The following SETD2 variants were observed in gnomAD, a reference collection of about 807,000 sequenced individuals.
The protein encoded by SETD2 is SET domain containing 2, histone lysine methyltransferase.
A neutral mutation model predicts 242.1 loss-of-function variants in SETD2; 31 were observed. The ratio of observed to expected loss-of-function variants is 0.13; its 90% CI spans 0.10 to 0.17. The LOEUF is 0.17. Among genes scored for constraint, SETD2 ranks in the 10% least tolerant of loss-of-function variants. The pLI, the probability that SETD2 is intolerant of heterozygous loss-of-function variation, is 1.00. For missense variants in SETD2, 2,481 were observed against 3,046.3 expected, an observed-to-expected ratio of 0.81 and a Z score of 4.37; for synonymous variants, 1,006 against 1,066.5, an observed-to-expected ratio of 0.94 and a Z score of 1.11.
At position 47,120,268 on chromosome 3, in the gene SETD2, G is replaced by A. The variant is rs761403196; in HGVS notation, c.4368C>T (p.Asp1456=). ...TGGCACATTCCTTCCATCGCTGTGG[G>A]TCCCTGAAGTCATCCATGACACAGG... ...GPSCVMDDFR[D]PQRWKECAKQ... is the part of the protein sequence containing the mutation. Residue 1456 remains aspartate (D), a synonymous_variant, in exon 3 of 21, where the codon GAC becomes GAT. Coordinates refer to ENST00000409792, the MANE Select transcript of SETD2 (RefSeq NM_014159.7). 14 of 1,611,638 alleles carry A rather than the reference G, an allele frequency of 8.7e-6. No homozygotes were observed. The East Asian group carries it at 2.9e-4, about 33-fold the overall frequency.
intron 1 of SETD2, 148 bp downstream of exon 1, chr3:47,163,706 C>G: frequency 3.3e-6 from 2 of 598,722 alleles, no homozygotes; most frequent in Non-Finnish European, 2.3e-6. Flanking sequence ...AGTGGCGGCG[C>G]GGGCCTGCTC....
intron 10 of SETD2, 30 bp from the exon 11 acceptor site, chr3:47,086,344 G>C (rs752766575): frequency 1.9e-6 from 3 of 1,605,152 alleles, no homozygotes; most frequent in South Asian, 2.2e-5. Flanking sequence ...ACACGATGCA[G>C]AGCATTGGGA....
chr3:47,028,422 G>C (rs2038604243), intron 18 of SETD2, among the ~76,000 whole-genome samples: 1 of 152,202 alleles, frequency 6.6e-6, no homozygotes, highest in Non-Finnish European at 1.5e-5. Context: ...AAAGTGAAGA[G>C]ATATCCATTA....
chr3:47,040,216 T>A (rs1575673235), intron 17 of SETD2, among the ~76,000 whole-genome samples: 1 of 152,046 alleles, frequency 6.6e-6, no homozygotes, highest in Admixed American at 6.6e-5. Context: ...TGAAATCAGG[T>A]GATCTGCCCA....
chr3:47,137,045 C>T (rs954398720), intron 1 of SETD2, among the ~76,000 whole-genome samples: 5 of 152,090 alleles, frequency 3.3e-5, no homozygotes. Context: ...GCAACATACA[C>T]GTGTAACAAA....
In SETD2 at chr3:47,123,769, A is replaced by T. The variant is rs1575818908; in HGVS notation, c.867T>A (p.Asp289Glu). ...SKKEDSHIGK[D>E]EEIPDSSKIS... ...TCTTAGAACTATCTGGAATTTCTTC[A>T]TCCTTCCCAATATGGGAATCTTCTT... The change falls in exon 3 of 21, where the codon GAT (aspartate) becomes GAA (glutamate). Residue 289 changes from aspartate (D) to glutamate (E), a missense_variant. Physicochemically the swap from Asp to Glu is conservative, Grantham distance 45. Around this residue, in one of 17 missense-constraint regions of SETD2, gnomAD observed 334 missense variants for 374.5 expected, o/e 0.89. Coordinates refer to ENST00000409792, the MANE Select transcript of SETD2 (RefSeq NM_014159.7). The T allele has an allele frequency of 1.3e-6, 2 of 1,548,232 alleles. No homozygotes were observed. Among genetic ancestry groups the T allele is most frequent in the Non-Finnish European group, 1.7e-6 (2 of 1,145,858 alleles).
Position 47,122,719 on chromosome 3 carries a change from T to A in SETD2, c.1917A>T (p.Glu639Asp), listed in dbSNP as rs2106685635. Reference protein sequence around the residue: ...KLDELPIFKSEFITHDSHDSI... With the variant: ...KLDELPIFKSDFITHDSHDSI... ...TATCATGGCTATCATGTGTTATAAA[T>A]TCGGACTTAAAAATAGGCAATTCAT... Residue 639 changes from glutamate (E) to aspartate (D), a missense_variant, in exon 3 of 21, where the codon GAA (glutamate) becomes GAT (aspartate). Glu to Asp is a conservative substitution (Grantham distance 45). Transcript: ENST00000409792. 6.2e-7 allele frequency: 1 copy of A among 1,611,374 alleles called. No homozygotes were observed. The highest frequency in any genetic ancestry group is 1.1e-5 in the South Asian group (1 of 90,692).
intron 11 of SETD2, among the ~76,000 whole-genome samples, chr3:47,085,132 C>T (rs939541164): frequency 3.3e-5 from 5 of 152,152 alleles, no homozygotes; most frequent in African/African-American, 1.2e-4. Flanking sequence ...TCTGTAAACA[C>T]AAGCATATTT....
At chr3:47,071,949 C>A (rs1393834738) in intron 12 of SETD2, among the ~76,000 whole-genome samples, 1 of 152,120 alleles carries the variant, frequency 6.6e-6, no homozygotes, top group Non-Finnish European at 1.5e-5. Flanking sequence ...TATAAGAAAT[C>A]TTTTTCTGAC....
At chr3:47,021,882 C>T (rs766678372) in intron 18 of SETD2, among the ~76,000 whole-genome samples, 2 of 152,208 alleles carry the variant, frequency 1.3e-5, no homozygotes, top group African/African-American at 2.4e-5. Flanking sequence ...GGTGTGGTGG[C>T]TCACGCCTGT....
At chr3:47,126,464 G>A (rs2043331912) in intron 2 of SETD2, among the ~76,000 whole-genome samples, 184 bp downstream of exon 2, 1 of 152,116 alleles carries the variant, frequency 6.6e-6, no homozygotes, top group Non-Finnish European at 1.5e-5. Flanking sequence ...ATTTTTCTGA[G>A]ATACACAACA....
chr3:47,114,851 C>G (rs569802431), intron 4 of SETD2, among the ~76,000 whole-genome samples: 1 of 146,780 alleles, frequency 6.8e-6, no homozygotes, highest in Non-Finnish European at 1.5e-5. Flanking sequence ...TGCACTCTAG[C>G]CTGGGCGACA....
Position 47,122,727 on chromosome 3 carries a change from TAAAAATAGGCAA to T in SETD2, c.1897_1908del (p.Leu633_Phe636del), listed in dbSNP as rs1467963430. Reference sequence around the variant, plus strand: ...CTATCATGTGTTATAAATTCGGACTTAAAAATAGGCAATTCATCTAGCTTTTTTAAAGTAGGT... The same window carrying T: ...CTATCATGTGTTATAAATTCGGACTTTTCATCTAGCTTTTTTAAAGTAGGT... On this transcript the variant is annotated inframe_deletion, in exon 3 of 21. Transcript: ENST00000409792. 5.6e-6 allele frequency: 9 copies of T among 1,611,220 alleles called. No homozygotes were observed. Among genetic ancestry groups the T allele is most frequent in the Non-Finnish European group, 7.6e-6 (9 of 1,179,126 alleles).
chr3:47,059,051 C>T (rs528849743), intron 14 of SETD2, among the ~76,000 whole-genome samples: 50 of 150,980 alleles, frequency 3.3e-4, no homozygotes, highest in South Asian at 1.0e-3. Context: ...CCTCGTGATC[C>T]GCCTGCTTCA....
chr3:47,116,888 G>T, intron 3 of SETD2, 134 bp from the exon 4 acceptor site: 1 of 616,196 alleles, frequency 1.6e-6, no homozygotes, highest in Non-Finnish European at 2.7e-6. Flanking sequence ...CTGTCACCCA[G>T]GCCAGGGTGC....
At chr3:47,147,290 G>A (rs971237669) in intron 1 of SETD2, among the ~76,000 whole-genome samples, 3 of 151,598 alleles carry the variant, frequency 2.0e-5, no homozygotes, top group Admixed American at 6.6e-5. Flanking sequence ...TGGGATTACA[G>A]GCGTGAGCCA....
chr3:47,141,297 T>C (rs9812878), intron 1 of SETD2, among the ~76,000 whole-genome samples: 102,245 of 151,936 alleles, frequency 0.67, 34,796 homozygotes, highest in African/African-American at 0.77. Flanking sequence ...CATGAGCCAC[T>C]GCACCCAGTT....
intron 9 of SETD2, among the ~76,000 whole-genome samples, chr3:47,091,880 G>A (rs2107660154): frequency 6.6e-6 from 1 of 152,214 alleles, no homozygotes; most frequent in African/African-American, 2.4e-5. Context: ...GGGAGGCGGA[G>A]GTTGCAATGA....
rs953217480 is a variant in SETD2 at position 47,121,457 on chromosome 3, C to G, written c.3179G>C (p.Ser1060Thr). Residue 1060 changes from serine (S) to threonine (T), a missense_variant, in exon 3 of 21, where the codon AGT becomes ACT. By Grantham distance (58) the Ser-to-Thr change is moderately conservative. This residue lies in a region of SETD2 where 1,300 missense variants were observed against 1,259.2 expected (regional missense o/e 1.03). Coordinates refer to ENST00000409792, the MANE Select transcript of SETD2 (RefSeq NM_014159.7). The stretch of plus-strand genomic sequence containing the variant: ...AGACTGGAGACGGTTTCTTGGAATA[C>G]TGCTATCATCCGAATCTGTATCTTC... The part of the protein sequence containing the change: ...DSEDTDSDDS[S>T]IPRNRLQSVV... 2.5e-6 allele frequency: 4 copies of G among 1,613,178 alleles called. No individual in the cohort carries two copies. The South Asian group carries it at 3.3e-5, about 13-fold the overall frequency.
Sources: allele counts gnomAD v4.1 joint callset (sites outside exome capture counted in the v4.1 genomes callset), GRCh38; gene constraint gnomAD v4.1.1; regional missense constraint gnomAD v4.1.1; transcripts MANE v1.5; gene names NCBI Gene and HGNC (gene_info 2026-07-23, HGNC 2026-07-21).